The following NAV3 variants were observed in gnomAD, a reference collection of about 807,000 sequenced individuals.
NAV3 encodes the protein neuron navigator 3, also known as pore membrane and/or filament interacting like protein 1.
Under a neutral mutation model 244.7 loss-of-function variants are expected in NAV3, and 87 were observed. The observed-to-expected ratio is 0.36, with a 90% CI of 0.30 to 0.42. The LOEUF (loss-of-function observed/expected upper bound fraction) is 0.42, where lower values mean the gene tolerates loss of function less well. NAV3 is among the 20% of genes least tolerant of loss of function. The probability of loss-of-function intolerance (pLI) is 1.00; values close to 1 mark genes in which losing one functional copy is unlikely to be tolerated. For missense variants in NAV3, 2,663 were observed against 2,893.3 expected (o/e 0.92, Z 1.83); for synonymous variants, 1,126 against 1,042.2 (o/e 1.08, Z -1.55).
At chr12:77,647,022 TAC>T (rs961375754) in intron 2 of NAV3, among the ~76,000 whole-genome samples, 3 of 150,748 alleles carry the variant, frequency 2.0e-5, no homozygotes, top group Admixed American at 6.6e-5. Flanking sequence ...TACATGGACA[TAC>T]ACACACACAT....
rs36090494 is a variant in NAV3, at chr12:78,151,063, T to TAA, written c.4785+2152_4785+2153dup. Among the ~76,000 whole-genome samples, 3 of 150,802 alleles carry TAA rather than the reference T, an allele frequency of 2.0e-5. No homozygotes were observed. The East Asian group carries it at 5.9e-4, about 29-fold the overall frequency. On this transcript the variant is annotated intron_variant, in intron 22 of 39. Transcript: ENST00000397909. Reference sequence around the variant, plus strand: ...GTGTTTCCCTAGGGGAACAATCATTTAAAAAAAAATAAAAATAAGGAACAC... The same window carrying TAA: ...GTGTTTCCCTAGGGGAACAATCATTTAAAAAAAAAAATAAAAATAAGGAACAC...
intron 1 of NAV3, among the ~76,000 whole-genome samples, chr12:77,931,454 G>C (rs1888780939): frequency 6.6e-6 from 1 of 152,026 alleles, no homozygotes; most frequent in Admixed American, 6.6e-5. Context: ...AGCTTTGTCT[G>C]TATTTTATTC....
intron 2 of NAV3, among the ~76,000 whole-genome samples, chr12:77,771,218 C>T (rs2135877665): frequency 6.6e-6 from 1 of 152,228 alleles, no homozygotes; most frequent in Admixed American, 6.5e-5. Flanking sequence ...AATGAGATAC[C>T]ATCTCACACC....
At chr12:78,037,141 G>T in intron 9 of NAV3, 2 of 703,010 alleles carry the variant, frequency 2.8e-6, no homozygotes, top group Non-Finnish European at 5.2e-6. Flanking sequence ...CTGCCTGCTG[G>T]GGGCAGCCAG....
intron 2 of NAV3, among the ~76,000 whole-genome samples, chr12:77,693,530 A>G (rs907719683): frequency 6.6e-5 from 10 of 152,070 alleles, no homozygotes; most frequent in African/African-American, 2.2e-4. Flanking sequence ...TTTATTGACA[A>G]CTTGCTACTC....
intron 2 of NAV3, among the ~76,000 whole-genome samples, chr12:77,627,747 A>C (rs1336602839): frequency 6.6e-6 from 1 of 152,218 alleles, no homozygotes; most frequent in African/African-American, 2.4e-5. Context: ...TTGCAGCACT[A>C]TTAACAATAG....
At chr12:78,184,145 A>T (rs921529332) in intron 30 of NAV3, among the ~76,000 whole-genome samples, 1 of 151,884 alleles carries the variant, frequency 6.6e-6, no homozygotes, top group Non-Finnish European at 1.5e-5. Context: ...TCTGAAATAC[A>T]TACTCCAAAA....
intron 2 of NAV3, among the ~76,000 whole-genome samples, chr12:77,652,671 C>T (rs1401519627): frequency 1.3e-5 from 2 of 152,106 alleles, no homozygotes; most frequent in Admixed American, 1.3e-4. Context: ...TATAATAATC[C>T]TTGATTTTGG....
chr12:78,050,723 A>G (rs2137242082), intron 10 of NAV3, 41 bp from the exon 11 acceptor site: 3 of 1,544,868 alleles, frequency 1.9e-6, no homozygotes, highest in Non-Finnish European at 2.6e-6. Flanking sequence ...TATGGCCCTA[A>G]GTGAACCAGA....
chr12:77,838,198 G>C (rs1875004589), intron 1 of NAV3, among the ~76,000 whole-genome samples: 3 of 152,162 alleles, frequency 2.0e-5, no homozygotes, highest in Admixed American at 2.0e-4. Flanking sequence ...AACTGTCGTG[G>C]TCATTTTAAT....
Position 77,966,215 on chromosome 12 carries a change from T to C in NAV3, c.415-14T>C, listed in dbSNP as rs771080026. On this transcript the variant is annotated splice_polypyrimidine_tract_variant and intron_variant, in intron 3 of 39. Transcript: ENST00000397909. ...ATCCTCTAAGTTGCTTTTTCACTGC[T>C]TTTCATGTTGCAGATTGAAAATGTT... 6.2e-7 allele frequency: 1 copy of C among 1,612,816 alleles called. No homozygotes were observed. The highest frequency in any genetic ancestry group is 1.7e-5 in the Admixed American group (1 of 59,912).
At chr12:77,634,051 G>A (rs1872043119) in intron 2 of NAV3, among the ~76,000 whole-genome samples, 1 of 151,722 alleles carries the variant, frequency 6.6e-6, no homozygotes, top group African/African-American at 2.4e-5. Context: ...AAAGTAAATG[G>A]AATATTTCTA....
chr12:78,100,990 C>A (rs993145564), intron 12 of NAV3, among the ~76,000 whole-genome samples: 1 of 152,186 alleles, frequency 6.6e-6, no homozygotes, highest in Non-Finnish European at 1.5e-5. Context: ...ATCTTCTAGT[C>A]CTTCTCTGGA....
At chr12:78,012,110 A>G (rs1303744941) in intron 8 of NAV3, among the ~76,000 whole-genome samples, 1 of 152,122 alleles carries the variant, frequency 6.6e-6, no homozygotes, top group Non-Finnish European at 1.5e-5. Context: ...ATAAGATACT[A>G]AAGAAGAAAA....
At chr12:78,040,444 C>T (rs929749573) in intron 9 of NAV3, among the ~76,000 whole-genome samples, 2 of 151,732 alleles carry the variant, frequency 1.3e-5, no homozygotes, top group Non-Finnish European at 2.9e-5. Context: ...ATCTAAGATA[C>T]CTGTTGGATT....
intron 2 of NAV3, among the ~76,000 whole-genome samples, chr12:77,755,066 C>T (rs927932908): frequency 6.6e-6 from 1 of 152,008 alleles, no homozygotes; most frequent in Admixed American, 6.6e-5. Flanking sequence ...ATTTAATTTT[C>T]CTTCTTTTCT....
intron 2 of NAV3, among the ~76,000 whole-genome samples, chr12:77,686,860 C>A (rs190108456): frequency 6.6e-6 from 1 of 151,866 alleles, no homozygotes; most frequent in Admixed American, 6.6e-5. Context: ...TTTCTTTTTT[C>A]TAATTAAAAT....
chr12:77,612,568 G>A (rs888628758), intron 2 of NAV3, among the ~76,000 whole-genome samples: 2 of 152,064 alleles, frequency 1.3e-5, no homozygotes, highest in African/African-American at 2.4e-5. Context: ...GGCTTAATGG[G>A]TATGTGCCTT....
At chr12:78,023,670 T>C (rs1877526370) in intron 9 of NAV3, among the ~76,000 whole-genome samples, 1 of 152,184 alleles carries the variant, frequency 6.6e-6, no homozygotes, top group South Asian at 2.1e-4. Flanking sequence ...ATTGTGATAT[T>C]ATTTGCAGTT....
Sources: allele counts gnomAD v4.1 joint callset (sites outside exome capture counted in the v4.1 genomes callset), GRCh38; gene constraint gnomAD v4.1.1; transcripts MANE v1.5; gene names NCBI Gene and HGNC (gene_info 2026-07-23, HGNC 2026-07-21).